The following TLE2 variants were observed in gnomAD, a reference collection of about 807,000 sequenced individuals.
The protein encoded by TLE2 is TLE family member 2, transcriptional corepressor.
A neutral mutation model predicts 97.2 loss-of-function variants in TLE2; 74 were observed. That is an observed-to-expected ratio of 0.76 (90% CI 0.63 to 0.92). The LOEUF is 0.92. TLE2 is among the 40% of genes least tolerant of loss of function. The pLI is 0.00. For missense variants in TLE2, 1,038 were observed against 1,008.7 expected (o/e 1.03, Z -0.39); for synonymous variants, 499 against 432.1 (o/e 1.15, Z -1.92).
chr19:3,031,464 C>A (rs1332391678), upstream of TLE2, among the ~76,000 whole-genome samples: 3 of 151,808 alleles, frequency 2.0e-5, no homozygotes, highest in Non-Finnish European at 4.4e-5. Flanking sequence ...TCACAAAACT[C>A]TTCCCCTTTT....
rs2089802182 is a variant in TLE2, at chr19:3,019,883, C to G, written c.295-110G>C. Reference sequence around the variant, plus strand: ...CCACCCTCTCATCTTTGCCCCGGTACTTCCCATTTCTCTTTTATCTTTTTC... The same window carrying G: ...CCACCCTCTCATCTTTGCCCCGGTAGTTCCCATTTCTCTTTTATCTTTTTC... On this transcript the variant is annotated intron_variant, in intron 5 of 19. Coordinates refer to ENST00000262953, the MANE Select transcript of TLE2 (RefSeq NM_003260.5). The surrounding 1 kb of genome is among the most constrained non-coding windows in gnomAD (Gnocchi z 5.1). 7.4e-7 allele frequency: 1 copy of G among 1,350,056 alleles called. No homozygotes were observed. Among genetic ancestry groups the G allele is most frequent in the Admixed American group, 2.3e-5 (1 of 43,996 alleles). The allele number at this position is 1,350,056 out of a possible 1,614,324, so 83.6% of individuals were successfully genotyped here. A position where few individuals can be genotyped will look rare whatever the true frequency, so the allele number is the denominator to read the frequency against.
Position 3,015,567 on chromosome 19 carries a change from C to G in TLE2, c.678+86G>C, listed in dbSNP as rs376231240. 9.3e-5 allele frequency: 100 copies of G among 1,075,066 alleles called. No homozygotes were observed. In the African/African-American group the frequency reaches 1.4e-3, roughly 15 times the overall value. 66.6% of individuals were successfully genotyped at this position (1,075,066 alleles called of 1,614,324 possible). On this transcript the variant is annotated intron_variant, in intron 9 of 19. Coordinates refer to ENST00000262953, the MANE Select transcript of TLE2 (RefSeq NM_003260.5). ...GGCTCCGGAGTGAGAGAATTATGGCCAGAGCTGGGCTCTGGAAGGCTCTGA... is the reference window on the plus strand; with the variant it reads ...GGCTCCGGAGTGAGAGAATTATGGCGAGAGCTGGGCTCTGGAAGGCTCTGA...
At chr19:3,024,252 T>G (rs1351862586) in intron 5 of TLE2, among the ~76,000 whole-genome samples, 22 of 152,000 alleles carry the variant, frequency 1.4e-4, no homozygotes, top group Non-Finnish European at 5.9e-5. Context: ...GTGATCCACC[T>G]GCCTCAGCCT....
Position 3,006,510 on chromosome 19 carries a change from CTG to C in TLE2, c.1408_1409del (p.Gln470AlafsTer53). 1 of 1,608,682 alleles carries C rather than the reference CTG, an allele frequency of 6.2e-7. No individual in the cohort carries two copies. The highest frequency in any genetic ancestry group is 8.5e-7 in the Non-Finnish European group (1 of 1,178,518). ...VCAVTISGST[Q>X]HVYTGGKGCV... ...AGCCCTTGCCGCCCGTGTACACATG[CTG>C]TGTGGAGCCGCTGATGGTGACCGCG... On this transcript the variant is annotated frameshift_variant, in exon 15 of 20. Transcript: ENST00000262953. LOFTEE classifies it high-confidence loss of function.
At chr19:3,044,263 C>G (rs1568257872) in intron 1 of TLE2, among the ~76,000 whole-genome samples, 1 of 152,184 alleles carries the variant, frequency 6.6e-6, no homozygotes, top group Non-Finnish European at 1.5e-5. Flanking sequence ...GCCTGCCCCC[C>G]TGGTGTCCCA....
chr19:3,013,082 G>A (rs1204365527), intron 11 of TLE2, among the ~76,000 whole-genome samples: 1 of 152,098 alleles, frequency 6.6e-6, no homozygotes, highest in Non-Finnish European at 1.5e-5. Flanking sequence ...CCTAGAAACC[G>A]ACATACTCTT....
intron 1 of TLE2, among the ~76,000 whole-genome samples, chr19:3,044,423 G>A (rs1005557635): frequency 1.3e-5 from 2 of 152,032 alleles, no homozygotes; most frequent in South Asian, 2.1e-4. Context: ...TGGCTTCTCT[G>A]CCCTTTGCTT....
chr19:3,009,448 C>T, intron 13 of TLE2, 94 bp downstream of exon 13: 1 of 1,405,898 alleles, frequency 7.1e-7, no homozygotes, highest in Non-Finnish European at 9.3e-7. Flanking sequence ...CCTTTCTGCA[C>T]TCCCTTGTCT....
At chr19:3,005,409 T>C (rs1462667748) in intron 17 of TLE2, 28 bp downstream of exon 17, 13 of 1,610,336 alleles carry the variant, frequency 8.1e-6, no homozygotes, top group Non-Finnish European at 1.1e-5. Flanking sequence ...AGAGCTTCCA[T>C]CCCCCTCCTG....
chr19:3,036,688 C>A (rs2090065599), intron 1 of TLE2, among the ~76,000 whole-genome samples: 1 of 152,236 alleles, frequency 6.6e-6, no homozygotes, highest in Non-Finnish European at 1.5e-5. Context: ...ACCTCCAGGG[C>A]CTCTCTTTGA....
upstream of TLE2, among the ~76,000 whole-genome samples, chr19:3,046,848 C>T (rs2090144723): frequency 6.6e-6 from 1 of 151,232 alleles, no homozygotes; most frequent in Admixed American, 6.6e-5. Flanking sequence ...CACCCCAGTC[C>T]TCTCTGCTCC....
chr19:3,044,832 C>T (rs866129788), intron 1 of TLE2, among the ~76,000 whole-genome samples: 2 of 152,230 alleles, frequency 1.3e-5, no homozygotes, highest in Non-Finnish European at 1.5e-5. Context: ...AAACTCTCTT[C>T]GCCAAAGTCA....
chr19:3,024,988 C>G, intron 5 of TLE2, 32 bp downstream of exon 5: 11 of 1,454,812 alleles, frequency 7.6e-6, no homozygotes, highest in South Asian at 1.2e-5. Context: ...CGGCTCCCTT[C>G]CCCTCCTCCC....
chr19:3,004,289 C>T lies in TLE2; in HGVS notation c.1896+1148G>A, dbSNP rs547420207. Among the ~76,000 whole-genome samples the T allele has an allele frequency of 4.6e-5, 7 of 152,198 alleles. No homozygotes were observed. In the East Asian group the frequency reaches 5.8e-4, roughly 13 times the overall value. On this transcript the variant is annotated intron_variant, in intron 17 of 19. Transcript: ENST00000262953. ...TTAGCCCACCTAAGCTTCGGGGCCA[C>T]GGGATGGAGAGCTGTGTCCACCTGC...
rs1236672996 is a variant in TLE2 at position 3,015,753 on chromosome 19, G to A, written c.578C>T (p.Ser193Phe). 6 of 1,606,860 alleles carry A rather than the reference G, an allele frequency of 3.7e-6. No individual in the cohort carries two copies. The East Asian group carries it at 1.1e-4, about 30-fold the overall frequency. Residue 193 changes from serine to phenylalanine, a missense_variant, in exon 9 of 20, where the codon TCT becomes TTT. Transcript: ENST00000262953. ...RVERAPSRSA[S>F]PSPPESLVEE... ...CACGAGACTCTCAGGGGGCGAGGGAGATGCACTCTGCGGAGAGACAAAGGC... is the reference window on the plus strand; with the variant it reads ...CACGAGACTCTCAGGGGGCGAGGGAAATGCACTCTGCGGAGAGACAAAGGC...
chr19:3,016,302 G>A (rs545448134), intron 8 of TLE2, among the ~76,000 whole-genome samples: 5 of 150,326 alleles, frequency 3.3e-5, no homozygotes, highest in Middle Eastern at 3.4e-3. Flanking sequence ...TTGGCCGGGC[G>A]CAGTGGCTCA....
At chr19:3,023,227 G>A (rs1049253085) in intron 5 of TLE2, among the ~76,000 whole-genome samples, 57 of 152,130 alleles carry the variant, frequency 3.7e-4, no homozygotes, top group African/African-American at 1.2e-3. Context: ...TAGTAGAAAT[G>A]AGGTTTCACC....
chr19:3,005,440 G>C lies in TLE2; in HGVS notation c.1893C>G (p.Ser631=). 6.2e-7 allele frequency: 1 copy of C among 1,613,726 alleles called. No individual in the cohort carries two copies. The highest frequency in any genetic ancestry group is 8.5e-7 in the Non-Finnish European group (1 of 1,179,798). ...TCCTGCCAGAACCGAACAGCACCTG[G>C]GAGCTGAAGTCATGCTGCTGCAGCT... ...GRQLQQHDFS[S]QIFSLGHCPN... is the part of the protein sequence containing the mutation. The change falls in exon 17 of 20, where the codon TCC becomes TCG. Residue 631 remains serine, a synonymous_variant. Transcript: ENST00000262953.
Position 3,002,293 on chromosome 19 carries a change from T to C in TLE2, c.2047+60A>G, listed in dbSNP as rs528603275. ...TTATTTATCTAAGATTCAGATTGAA[T>C]AGGCACCCTGGGTTTTGTTGGGGTT... On this transcript the variant is annotated intron_variant, in intron 18 of 19. Transcript: ENST00000262953. 29 of 1,546,760 alleles carry C rather than the reference T, an allele frequency of 1.9e-5. No homozygotes were observed. The African/African-American group carries it at 3.2e-4, about 17-fold the overall frequency.
Sources: gnomAD v4.1 joint callset for allele counts (sites outside exome capture counted in the v4.1 genomes callset) on GRCh38, gnomAD v4.1.1 for gene constraint, Gnocchi (gnomAD v3.1) non-coding constraint, MANE v1.5 for transcripts, NCBI Gene and HGNC (gene_info 2026-07-23, HGNC 2026-07-21) for gene names.